The following C1orf232 variants were observed in gnomAD, a reference collection of about 807,000 sequenced individuals.
C1orf232 encodes the protein chromosome 1 open reading frame 230.
A neutral mutation model predicts 12.1 loss-of-function variants in C1orf232; 10 were observed. The observed-to-expected ratio is 0.82, with a 90% CI of 0.51 to 1.40. C1orf232 has a LOEUF of 1.40. C1orf232 is among the 40% of genes most tolerant of loss of function. The pLI is 0.00. For synonymous variants in C1orf232, 36 were observed against 39.8 expected, an observed-to-expected ratio of 0.90 and a Z score of 0.36; for missense variants, 88 against 98.4, an observed-to-expected ratio of 0.89 and a Z score of 0.45.
rs1211474974 is a variant in C1orf232 at position 26,164,737 on chromosome 1, C to T, written c.267-282G>A. On this transcript the variant is annotated intron_variant, in intron 3 of 3. Coordinates refer to ENST00000634842, the MANE Select transcript of C1orf232 (RefSeq NM_001364669.2). The surrounding 1 kb of genome is among the most constrained non-coding windows in gnomAD (Gnocchi z 4.2). ...AGGGAGGGGACCGGGATCAGGATCC[C>T]TGGGGAGAGAATGAGGTCAGGGTTT... Among the ~76,000 whole-genome samples, 1 of 151,920 alleles carries T rather than the reference C, an allele frequency of 6.6e-6. No individual in the cohort carries two copies. The highest frequency in any genetic ancestry group is 1.5e-5 in the Non-Finnish European group (1 of 67,966).
At chr1:26,168,372 C>A in intron 1 of C1orf232, 44 bp downstream of exon 1, 2 of 1,207,298 alleles carry the variant, frequency 1.7e-6, no homozygotes, top group Non-Finnish European at 2.1e-6. Context: ...ATTCCTGCTG[C>A]CCCTCTGCAC....
rs1314943043 is a variant in C1orf232 at position 26,164,388 on chromosome 1, C to T, written c.334G>A (p.Asp112Asn). 3 of 389,946 alleles carry T rather than the reference C, an allele frequency of 7.7e-6. No individual in the cohort carries two copies. The highest frequency in any genetic ancestry group is 1.4e-5 in the Non-Finnish European group (3 of 220,674). 24.2% of individuals were successfully genotyped at this position (389,946 alleles called of 1,614,324 possible). Reference sequence around the variant, plus strand: ...TGCTGCCACCTGCTGGCGAACGCGTCCCAGAAGCCCGGGCCGCGCGCCTCC... The same window carrying T: ...TGCTGCCACCTGCTGGCGAACGCGTTCCAGAAGCCCGGGCCGCGCGCCTCC... ...AAEARGPGFW[D>N]AFASRWQQQQ... The change falls in exon 4 of 4, where the codon GAC (aspartate) becomes AAC (asparagine). Residue 112 changes from aspartate (D) to asparagine (N), a missense_variant. Transcript: ENST00000634842. This position sits in a 1 kb window ranked among gnomAD's most constrained non-coding sequence, Gnocchi z 4.2.
In C1orf232 at chr1:26,168,570, G is replaced by A; in HGVS notation, c.-71C>T. 1 of 1,082,622 alleles carries A rather than the reference G, an allele frequency of 9.2e-7. No homozygotes were observed. The allele number at this position is 1,082,622 out of a possible 1,614,324, so 67.1% of individuals were successfully genotyped here. The stretch of plus-strand genomic sequence containing the variant: ...GGCTCAGTGGATACCAGTGAGTCTG[G>A]CTCTAGGAACTTGGTGAGGCCAAGA... On this transcript the variant is annotated 5_prime_UTR_variant, in exon 1 of 4. Coordinates refer to ENST00000634842, the MANE Select transcript of C1orf232 (RefSeq NM_001364669.2).
At chr1:26,165,251 A>C (rs1265917804) in intron 3 of C1orf232, among the ~76,000 whole-genome samples, 1 of 152,038 alleles carries the variant, frequency 6.6e-6, no homozygotes, top group Non-Finnish European at 1.5e-5. Context: ...AATGTGCCAG[A>C]GATAGAGCCA....
At chr1:26,167,642 G>A (rs1380654614) in intron 1 of C1orf232, among the ~76,000 whole-genome samples, 1 of 151,952 alleles carries the variant, frequency 6.6e-6, no homozygotes, top group African/African-American at 2.4e-5. Context: ...TTGTTTTTGA[G>A]ATGGAGTCTT....
Position 26,164,520 on chromosome 1 carries a change from T to G in C1orf232, c.267-65A>C, listed in dbSNP as rs148578753. ...TCCCGCGGAGGAACATCGGCTGGGC[T>G]GACGGAGGAGTTTAGTGGGGCCGGG... On this transcript the variant is annotated intron_variant, in intron 3 of 3. Coordinates refer to ENST00000634842, the MANE Select transcript of C1orf232 (RefSeq NM_001364669.2). This position sits in a 1 kb window ranked among gnomAD's most constrained non-coding sequence, Gnocchi z 4.2. The G allele has an allele frequency of 0.012, 4,450 of 369,540 alleles. 140 individuals are homozygous for G. The highest frequency in any genetic ancestry group is 0.081 in the African/African-American group (3,853 of 47,462). 22.9% of individuals were successfully genotyped at this position (369,540 alleles called of 1,614,324 possible).
chr1:26,166,981 C>G (rs1172388895), intron 1 of C1orf232, among the ~76,000 whole-genome samples: 8 of 152,240 alleles, frequency 5.3e-5, no homozygotes, highest in Admixed American at 2.6e-4. Flanking sequence ...AAAATGTTCA[C>G]ACCTTCACAT....
chr1:26,168,603 C>T lies in C1orf232; in HGVS notation c.-104G>A, dbSNP rs1265132637. Reference sequence around the variant, plus strand: ...AACTTGGTGAGGCCAAGAGCCTGTCCGAGGGATCCAGTGACTTCATTAAAG... The same window carrying T: ...AACTTGGTGAGGCCAAGAGCCTGTCTGAGGGATCCAGTGACTTCATTAAAG... On this transcript the variant is annotated 5_prime_UTR_variant, in exon 1 of 4. Transcript: ENST00000634842. 7.1e-6 allele frequency: 5 copies of T among 708,572 alleles called. No individual in the cohort carries two copies. The highest frequency in any genetic ancestry group is 3.4e-5 in the East Asian group (1 of 29,322). The allele number at this position is 708,572 out of a possible 1,614,324, so 43.9% of individuals were successfully genotyped here.
rs972437922 is a variant in C1orf232, at chr1:26,168,530, G to C, written c.-31C>G. On this transcript the variant is annotated 5_prime_UTR_variant, in exon 1 of 4. Coordinates refer to ENST00000634842, the MANE Select transcript of C1orf232 (RefSeq NM_001364669.2). ...CAGGGGGAAGGGGCCTGGCACGCAA[G>C]CACAGGAAGGTGGTGGCTCAGTGGA... The C allele has an allele frequency of 2.4e-5, 30 of 1,225,640 alleles. No individual in the cohort carries two copies. The highest frequency in any genetic ancestry group is 4.2e-5 in the Admixed American group (1 of 23,702). 75.9% of individuals were successfully genotyped at this position (1,225,640 alleles called of 1,614,324 possible). A position where few individuals can be genotyped will look rare whatever the true frequency, so the allele number is the denominator to read the frequency against.
chr1:26,168,520 T>A lies in C1orf232; in HGVS notation c.-21A>T, dbSNP rs1372403352. On this transcript the variant is annotated 5_prime_UTR_variant, in exon 1 of 4. Transcript: ENST00000634842. ...TTCATGGCTGCAGGGGGAAGGGGCC[T>A]GGCACGCAAGCACAGGAAGGTGGTG... 2 of 1,230,880 alleles carry A rather than the reference T, an allele frequency of 1.6e-6. No individual in the cohort carries two copies. The highest frequency in any genetic ancestry group is 3.1e-5 in the African/African-American group (2 of 64,394). 76.2% of individuals were successfully genotyped at this position (1,230,880 alleles called of 1,614,324 possible).
Position 26,164,298 on chromosome 1 carries a change from G to T in C1orf232, c.424C>A (p.Pro142Thr). The T allele has an allele frequency of 5.0e-6, 2 of 397,980 alleles. No homozygotes were observed. The highest frequency in any genetic ancestry group is 8.9e-6 in the Non-Finnish European group (2 of 225,612). The allele number at this position is 397,980 out of a possible 1,614,324, so 24.7% of individuals were successfully genotyped here. ...TEPTPEPDPE[P>T]ADEAAEEAAE... ...GCCTCCTCCGCGGCCTCGTCCGCGG[G>T]TTCGGGGTCCGGCTCCGGAGTGGGC... Residue 142 changes from proline (P) to threonine (T), a missense_variant, in exon 4 of 4, where the codon CCC (proline) becomes ACC (threonine). Coordinates refer to ENST00000634842, the MANE Select transcript of C1orf232 (RefSeq NM_001364669.2). The surrounding 1 kb of genome is among the most constrained non-coding windows in gnomAD (Gnocchi z 4.2).
Position 26,168,543 on chromosome 1 carries a change from G to A in C1orf232, c.-44C>T. 8.3e-7 allele frequency: 1 copy of A among 1,198,070 alleles called. No homozygotes were observed. The highest frequency in any genetic ancestry group is 1.0e-6 in the Non-Finnish European group (1 of 957,294). 74.2% of individuals were successfully genotyped at this position (1,198,070 alleles called of 1,614,324 possible). On this transcript the variant is annotated 5_prime_UTR_variant, in exon 1 of 4. Coordinates refer to ENST00000634842, the MANE Select transcript of C1orf232 (RefSeq NM_001364669.2). ...CCTGGCACGCAAGCACAGGAAGGTG[G>A]TGGCTCAGTGGATACCAGTGAGTCT...
Position 26,164,687 on chromosome 1 carries a change from T to C in C1orf232, c.267-232A>G, listed in dbSNP as rs1335432127. 6.6e-6 allele frequency among the ~76,000 whole-genome samples: 1 copy of C among 150,428 alleles called. No homozygotes were observed. The highest frequency in any genetic ancestry group is 1.5e-5 in the Non-Finnish European group (1 of 67,614). ...GAAAGGGGTCTGGGGTGGGACAGGG[T>C]CAGGGGATTAGGCGAGGGATGTGGA... On this transcript the variant is annotated intron_variant, in intron 3 of 3. Transcript: ENST00000634842. This position sits in a 1 kb window ranked among gnomAD's most constrained non-coding sequence, Gnocchi z 4.2.
Position 26,164,411 on chromosome 1 carries a change from T to TCCGCCGCCG in C1orf232, c.302_310dup (p.Ala101_Ala103dup). The TCCGCCGCCG allele has an allele frequency of 2.6e-6, 1 of 384,050 alleles. No homozygotes were observed. 23.8% of individuals were successfully genotyped at this position (384,050 alleles called of 1,614,324 possible). On this transcript the variant is annotated inframe_insertion, in exon 4 of 4. Coordinates refer to ENST00000634842, the MANE Select transcript of C1orf232 (RefSeq NM_001364669.2). The surrounding 1 kb of genome is among the most constrained non-coding windows in gnomAD (Gnocchi z 4.2). ...GTCCCAGAAGCCCGGGCCGCGCGCC[T>TCCGCCGCCG]CCGCCGCCGCCGCCGCCTGCGAGGG...
Position 26,166,086 on chromosome 1 carries a change from T to C in C1orf232, c.117A>G (p.Thr39=). 8.1e-7 allele frequency: 1 copy of C among 1,231,720 alleles called. No homozygotes were observed. Among genetic ancestry groups the C allele is most frequent in the Non-Finnish European group, 1.0e-6 (1 of 987,980 alleles). 76.3% of individuals were successfully genotyped at this position (1,231,720 alleles called of 1,614,324 possible). The change falls in exon 2 of 4, where the codon ACA becomes ACG. Residue 39 remains threonine (T), a synonymous_variant. Transcript: ENST00000634842. ...TGAAGGTCTCCTCGGTCGGTTCTGCTGTCTCAGACCCCACTAATGCTGGGT... is the reference window on the plus strand; with the variant it reads ...TGAAGGTCTCCTCGGTCGGTTCTGCCGTCTCAGACCCCACTAATGCTGGGT... ...RENPALVGSE[T]AEPTEETFNP... is the part of the protein sequence containing the mutation.
intron 1 of C1orf232, among the ~76,000 whole-genome samples, chr1:26,167,578 G>T (rs1319666227): frequency 6.6e-6 from 1 of 152,156 alleles, no homozygotes; most frequent in African/African-American, 2.4e-5. Context: ...ACCCTCCGTG[G>T]CCTTCCAAAG....
rs2088403129 is a variant in C1orf232, at chr1:26,164,471, G to A, written c.267-16C>T. ...CGCCAGAGGGCTGCGGGAGAGGGCC[G>A]CGGTCAGGGAAGCGGCCGGGCGGTC... On this transcript the variant is annotated splice_polypyrimidine_tract_variant and intron_variant, in intron 3 of 3. Transcript: ENST00000634842. This position sits in a 1 kb window ranked among gnomAD's most constrained non-coding sequence, Gnocchi z 4.2. 1 of 376,804 alleles carries A rather than the reference G, an allele frequency of 2.7e-6. No homozygotes were observed. The highest frequency in any genetic ancestry group is 4.7e-6 in the Non-Finnish European group (1 of 212,000). The allele number at this position is 376,804 out of a possible 1,614,324, so 23.3% of individuals were successfully genotyped here. A position where few individuals can be genotyped will look rare whatever the true frequency, so the allele number is the denominator to read the frequency against.
At chr1:26,165,994 A>C in intron 2 of C1orf232, 41 bp downstream of exon 2, 1 of 1,231,612 alleles carries the variant, frequency 8.1e-7, no homozygotes, top group South Asian at 4.1e-5. Context: ...AGCCTCTGCC[A>C]GGCTGCCCAG....
rs1027498674 is a variant in C1orf232, at chr1:26,164,779, A to G, written c.267-324T>C. Among the ~76,000 whole-genome samples, 1 of 151,872 alleles carries G rather than the reference A, an allele frequency of 6.6e-6. No homozygotes were observed. The highest frequency in any genetic ancestry group is 1.5e-5 in the Non-Finnish European group (1 of 67,968). ...TCAGGGTTTCAGGCGAGGCTCGAGG[A>G]GGGACGCTGGAGGCGTGCGCAGGTC... On this transcript the variant is annotated intron_variant, in intron 3 of 3. Transcript: ENST00000634842. The surrounding 1 kb of genome is among the most constrained non-coding windows in gnomAD (Gnocchi z 4.2).
Sources: allele counts gnomAD v4.1 joint callset (sites outside exome capture counted in the v4.1 genomes callset), GRCh38; gene constraint gnomAD v4.1.1; non-coding constraint Gnocchi (gnomAD v3.1); transcripts MANE v1.5; gene names NCBI Gene and HGNC (gene_info 2026-07-23, HGNC 2026-07-21).